Variants in STXBP5 observed in about 807,000 individuals in gnomAD.
The protein encoded by STXBP5 is syntaxin-binding protein 5.
A neutral mutation model predicts 152.4 loss-of-function variants in STXBP5; 50 were observed. That is an observed-to-expected ratio of 0.33 (90% CI 0.26 to 0.42). The LOEUF is 0.42. STXBP5 is among the 10% of genes least tolerant of loss of function. The probability of loss-of-function intolerance (pLI) is 1.00; values close to 1 mark genes in which losing one functional copy is unlikely to be tolerated. For synonymous variants in STXBP5, 492 were observed against 494.7 expected (o/e 0.99, Z 0.07); for missense variants, 1,167 against 1,388.6 (o/e 0.84, Z 2.54).
intron 23 of STXBP5, among the ~76,000 whole-genome samples, chr6:147,360,303 A>G (rs1185690294): frequency 6.6e-6 from 1 of 152,110 alleles, no homozygotes; most frequent in Non-Finnish European, 1.5e-5. Context: ...CTGGGTATAT[A>G]CCCAAAGGAC....
At chr6:147,371,288 A>G (rs1785528719) in intron 25 of STXBP5, among the ~76,000 whole-genome samples, 1 of 152,058 alleles carries the variant, frequency 6.6e-6, no homozygotes, top group African/African-American at 2.4e-5. Flanking sequence ...TATTTTATGT[A>G]TTTTCCCAAA....
chr6:147,259,631 G>A lies in STXBP5; in HGVS notation c.432-984G>A, dbSNP rs190776473. On this transcript the variant is annotated intron_variant, in intron 4 of 27. Transcript: ENST00000321680. ...AAATATTCTGTATGCTTTGCCGAGTGCCTAATGTTAGTATTGACAGGCTGG... is the reference window on the plus strand; with the variant it reads ...AAATATTCTGTATGCTTTGCCGAGTACCTAATGTTAGTATTGACAGGCTGG... Among the ~76,000 whole-genome samples the A allele has an allele frequency of 5.3e-5, 8 of 152,224 alleles. No homozygotes were observed. The East Asian group carries it at 1.4e-3, about 26-fold the overall frequency.
At chr6:147,340,087 AAG>A (rs1203318320) in intron 21 of STXBP5, among the ~76,000 whole-genome samples, 1 of 152,056 alleles carries the variant, frequency 6.6e-6, no homozygotes, top group Non-Finnish European at 1.5e-5. Flanking sequence ...CTTTTAGAAA[AAG>A]AGGATAAATT....
At chr6:147,211,522 A>T (rs1174468253) in intron 2 of STXBP5, among the ~76,000 whole-genome samples, 1 of 152,136 alleles carries the variant, frequency 6.6e-6, no homozygotes, top group Non-Finnish European at 1.5e-5. Context: ...ATGGAAAAAA[A>T]ATGGAAATGA....
intron 7 of STXBP5, 142 bp from the exon 8 acceptor site, chr6:147,277,939 A>G (rs1032717244): frequency 1.4e-6 from 1 of 706,368 alleles, no homozygotes; most frequent in Non-Finnish European, 2.2e-6. Flanking sequence ...AAGAGGGCCA[A>G]ATTATTATGG....
chr6:147,367,408 G>T lies in STXBP5; in HGVS notation c.3081+3242G>T, dbSNP rs905005622. On this transcript the variant is annotated intron_variant, in intron 25 of 27. Transcript: ENST00000321680. Reference sequence around the variant, plus strand: ...AATCCCAGCACTTTGGGAGGCCGAGGCGGGTGGATCACAAGGTCAGGAGAT... The same window carrying T: ...AATCCCAGCACTTTGGGAGGCCGAGTCGGGTGGATCACAAGGTCAGGAGAT... 2.6e-5 allele frequency among the ~76,000 whole-genome samples: 4 copies of T among 152,176 alleles called. No individual in the cohort carries two copies. In the South Asian group the frequency reaches 6.2e-4, roughly 24 times the overall value.
At chr6:147,312,115 C>T (rs1016248608) in intron 11 of STXBP5, among the ~76,000 whole-genome samples, 1 of 152,134 alleles carries the variant, frequency 6.6e-6, no homozygotes, top group Non-Finnish European at 1.5e-5. Flanking sequence ...TATGTCTTCT[C>T]CTATGTAATT....
intron 7 of STXBP5, among the ~76,000 whole-genome samples, chr6:147,274,712 A>C (rs1437882114): frequency 6.6e-6 from 1 of 152,130 alleles, no homozygotes; most frequent in African/African-American, 2.4e-5. Context: ...TTTAAATGAA[A>C]GTCTACATTA....
intron 9 of STXBP5, among the ~76,000 whole-genome samples, chr6:147,299,773 G>T (rs999641049): frequency 3.9e-5 from 6 of 151,932 alleles, no homozygotes; most frequent in African/African-American, 1.5e-4. Context: ...GGAATTTCTT[G>T]TGCACTTTCA....
chr6:147,260,555 G>A, intron 4 of STXBP5, 60 bp from the exon 5 acceptor site: 1 of 1,596,646 alleles, frequency 6.3e-7, no homozygotes, highest in Non-Finnish European at 8.6e-7. Flanking sequence ...ACCCTCTAAT[G>A]CAATTAGTAA....
intron 27 of STXBP5, among the ~76,000 whole-genome samples, chr6:147,384,414 AT>A (rs1786241906): frequency 1.3e-5 from 2 of 152,140 alleles, no homozygotes; most frequent in Non-Finnish European, 2.9e-5. Flanking sequence ...TTCAAGCATT[AT>A]TTTTAATTCA....
chr6:147,287,249 C>T (rs1036638077), intron 8 of STXBP5, among the ~76,000 whole-genome samples: 3 of 117,766 alleles, frequency 2.5e-5, no homozygotes, highest in Non-Finnish European at 4.8e-5. Context: ...GTCGCCCAGG[C>T]TGGAGTGCAG....
intron 16 of STXBP5, among the ~76,000 whole-genome samples, chr6:147,322,765 T>TA (rs1783001690): frequency 6.6e-6 from 1 of 152,244 alleles, no homozygotes; most frequent in African/African-American, 2.4e-5. Flanking sequence ...ATAAAAGCAG[T>TA]CACACACTAA....
Position 147,382,963 on chromosome 6 carries a change from T to C in STXBP5, c.3379T>C (p.Ser1127Pro), listed in dbSNP as rs1461533376. The change falls in exon 27 of 28, where the codon TCA (serine) becomes CCA (proline). Residue 1127 changes from serine to proline, a missense_variant. This residue lies in a region of STXBP5 where 833 missense variants were observed against 986.3 expected (regional missense o/e 0.84). Transcript: ENST00000321680. ...DLEERTAAML[S>P]SAESFSKHAH... ...GGAAGAAAGAACTGCGGCCATGTTA[T>C]CAAGTGCAGAGTCATTTTCTAAACA... 1.9e-6 allele frequency: 3 copies of C among 1,613,410 alleles called. No homozygotes were observed. The highest frequency in any genetic ancestry group is 2.5e-6 in the Non-Finnish European group (3 of 1,179,616).
At chr6:147,328,727 C>CG (rs1562249012) in intron 18 of STXBP5, 1 of 470,760 alleles carries the variant, frequency 2.1e-6, no homozygotes, top group Non-Finnish European at 4.4e-6. Context: ...CTTGCATGTG[C>CG]GGCCTTTCTA....
At chr6:147,275,287 A>G (rs1780380544) in intron 7 of STXBP5, among the ~76,000 whole-genome samples, 1 of 152,064 alleles carries the variant, frequency 6.6e-6, no homozygotes, top group Non-Finnish European at 1.5e-5. Flanking sequence ...GATTTTTGTC[A>G]GATACTACAT....
chr6:147,339,100 T>G (rs999529111), intron 19 of STXBP5, 79 bp from the exon 20 acceptor site: 6 of 1,234,480 alleles, frequency 4.9e-6, no homozygotes, highest in Non-Finnish European at 6.7e-6. Context: ...AGATTTTTTA[T>G]TTGTACATTT....
intron 1 of STXBP5, 43 bp from the exon 2 acceptor site, chr6:147,205,928 G>A: frequency 2.0e-6 from 3 of 1,497,308 alleles, no homozygotes; most frequent in Non-Finnish European, 1.9e-6. Flanking sequence ...TTAAAATTTC[G>A]CTTGCTGCCT....
At chr6:147,206,573 A>G (rs1776575046) in intron 2 of STXBP5, among the ~76,000 whole-genome samples, 1 of 152,098 alleles carries the variant, frequency 6.6e-6, no homozygotes, top group South Asian at 2.1e-4. Context: ...TTCTATGAAT[A>G]GTTATAAATG....
Sources: gnomAD v4.1 joint callset for allele counts (sites outside exome capture counted in the v4.1 genomes callset) on GRCh38, gnomAD v4.1.1 for gene constraint, gnomAD v4.1.1 regional missense constraint, MANE v1.5 for transcripts, NCBI Gene and HGNC (gene_info 2026-07-23, HGNC 2026-07-21) for gene names.